Variants in CCDC178 observed in about 807,000 individuals in gnomAD.
CCDC178 encodes the protein coiled-coil domain containing 178, also known as coiled-coil domain-containing protein 178.
In CCDC178, 126 loss-of-function variants were observed where a neutral mutation model predicts 117.4. That is an observed-to-expected ratio of 1.07 (90% CI 0.93 to 1.24). The LOEUF is 1.24. Ranked by LOEUF, CCDC178 falls within the 50% of genes most tolerant of loss-of-function variation. CCDC178 has a pLI of 0.00. For synonymous variants in CCDC178, 283 were observed against 313.4 expected (o/e 0.90, Z 1.02); for missense variants, 1,030 against 986.9 (o/e 1.04, Z -0.59).
chr18:33,438,493 C>G (rs1402002649), intron 2 of CCDC178, among the ~76,000 whole-genome samples: 1 of 151,168 alleles, frequency 6.6e-6, no homozygotes, highest in Admixed American at 6.6e-5. Context: ...AGTTCAACAT[C>G]GATTTTAAAA....
intron 14 of CCDC178, 128 bp downstream of exon 14, chr18:33,266,788 A>G (rs2059821461): frequency 3.1e-6 from 3 of 964,812 alleles, no homozygotes; most frequent in Non-Finnish European, 4.4e-6. Flanking sequence ...TTTGAATAGA[A>G]CTTAAATTTT....
chr18:33,340,571 A>T (rs969728194), intron 9 of CCDC178, among the ~76,000 whole-genome samples: 1 of 152,004 alleles, frequency 6.6e-6, no homozygotes, highest in African/African-American at 2.4e-5. Context: ...CAGGAAGAAA[A>T]AGTGGTTCTG....
chr18:33,409,474 C>A (rs923215203), intron 3 of CCDC178, among the ~76,000 whole-genome samples: 3 of 152,062 alleles, frequency 2.0e-5, no homozygotes, highest in Admixed American at 1.3e-4. Flanking sequence ...GATTTTATTT[C>A]GGATAATTTT....
chr18:32,940,447 T>C (rs1400944528), intron 22 of CCDC178, among the ~76,000 whole-genome samples: 4 of 152,044 alleles, frequency 2.6e-5, no homozygotes, highest in Non-Finnish European at 5.9e-5. Flanking sequence ...TGTTCCTAGA[T>C]TAGGATTCTA....
intron 12 of CCDC178, among the ~76,000 whole-genome samples, chr18:33,286,458 T>G (rs2060100129): frequency 6.6e-6 from 1 of 152,338 alleles, no homozygotes; most frequent in East Asian, 1.9e-4. Flanking sequence ...TCCTATTTGA[T>G]AAATTGTTAG....
chr18:32,942,535 T>A (rs567944837), intron 22 of CCDC178, among the ~76,000 whole-genome samples: 1 of 152,068 alleles, frequency 6.6e-6, no homozygotes, highest in South Asian at 2.1e-4. Flanking sequence ...AAAAAAAAAA[T>A]TATGAGAAAC....
At chr18:33,217,533 T>A (rs1191742803) in intron 18 of CCDC178, among the ~76,000 whole-genome samples, 2 of 152,006 alleles carry the variant, frequency 1.3e-5, no homozygotes, top group Non-Finnish European at 2.9e-5. Flanking sequence ...TTTTTAGATT[T>A]TTTTTTAAAT....
At chr18:33,428,252 T>C (rs1179345207) in intron 2 of CCDC178, among the ~76,000 whole-genome samples, 1 of 152,176 alleles carries the variant, frequency 6.6e-6, no homozygotes, top group African/African-American at 2.4e-5. Flanking sequence ...TTTTATTTAT[T>C]TGGAGATACT....
chr18:32,970,790 A>G (rs577400510), intron 22 of CCDC178, among the ~76,000 whole-genome samples: 7 of 152,168 alleles, frequency 4.6e-5, no homozygotes, highest in African/African-American at 1.7e-4. Flanking sequence ...AAAGGCCTGA[A>G]GGAGCTTAGA....
chr18:33,400,251 G>A (rs903669144), intron 3 of CCDC178, among the ~76,000 whole-genome samples: 1 of 151,866 alleles, frequency 6.6e-6, no homozygotes, highest in African/African-American at 2.4e-5. Context: ...AAGGGCCCTA[G>A]GATTTTTAGA....
intron 10 of CCDC178, among the ~76,000 whole-genome samples, chr18:33,329,880 TG>T (rs2062640485): frequency 2.5e-5 from 1 of 40,196 alleles, no homozygotes; most frequent in African/African-American, 5.4e-5. Flanking sequence ...TATTAGAGTG[TG>T]TGTGTGTGTG....
chr18:33,199,127 T>C (rs1049443319), intron 20 of CCDC178, among the ~76,000 whole-genome samples: 1 of 152,060 alleles, frequency 6.6e-6, no homozygotes, highest in South Asian at 2.1e-4. Context: ...TACAACTGTT[T>C]GTATTAATTA....
intron 15 of CCDC178, among the ~76,000 whole-genome samples, chr18:33,235,891 T>C (rs1599034821): frequency 1.3e-5 from 2 of 152,222 alleles, no homozygotes; most frequent in African/African-American, 4.8e-5. Context: ...GCTAATTTTA[T>C]TCTGACACTT....
At chr18:33,299,455 T>C (rs375226581) in intron 11 of CCDC178, among the ~76,000 whole-genome samples, 26 of 151,368 alleles carry the variant, frequency 1.7e-4, no homozygotes, top group African/African-American at 6.1e-4. Context: ...CAAGTCAACA[T>C]GGATGAAAGA....
chr18:33,341,447 T>C (rs2062815871), intron 9 of CCDC178, among the ~76,000 whole-genome samples: 1 of 152,130 alleles, frequency 6.6e-6, no homozygotes, highest in Non-Finnish European at 1.5e-5. Context: ...TGACTGGTTT[T>C]GAAATATGAG....
At chr18:33,270,382 AT>A in intron 12 of CCDC178, among the ~76,000 whole-genome samples, 1 of 151,674 alleles carries the variant, frequency 6.6e-6, no homozygotes. Context: ...TAATTTACAC[AT>A]TGAGGAAGCC....
intron 2 of CCDC178, among the ~76,000 whole-genome samples, chr18:33,432,396 C>T (rs1207040225): frequency 6.6e-6 from 1 of 150,850 alleles, no homozygotes; most frequent in Non-Finnish European, 1.5e-5. Flanking sequence ...TTTTTCTAAG[C>T]GAACTGTAAG....
chr18:33,208,194 A>C (rs576692379), intron 20 of CCDC178, among the ~76,000 whole-genome samples: 1 of 152,220 alleles, frequency 6.6e-6, no homozygotes, highest in South Asian at 2.1e-4. Context: ...AATTATGTAA[A>C]ACATGTTCCT....
intron 7 of CCDC178, among the ~76,000 whole-genome samples, chr18:33,352,106 A>G (rs977336402): frequency 6.6e-6 from 1 of 152,078 alleles, no homozygotes; most frequent in African/African-American, 2.4e-5. Context: ...TTTATTTGTC[A>G]TAGTTCTGTT....
Sources: gnomAD v4.1 joint callset for allele counts (sites outside exome capture counted in the v4.1 genomes callset) on GRCh38, gnomAD v4.1.1 for gene constraint, MANE v1.5 for transcripts, NCBI Gene and HGNC (gene_info 2026-07-23, HGNC 2026-07-21) for gene names.